HECTD4: variants seen among roughly 807,000 people sequenced by gnomAD.
HECTD4 encodes probable E3 ubiquitin-protein ligase HECTD4.
HECTD4 carries 114 observed loss-of-function variants against 471.5 expected under a neutral mutation model. That is an observed-to-expected ratio of 0.24 (90% CI 0.21 to 0.28). HECTD4 has a LOEUF of 0.28. HECTD4 is among the 10% of genes least tolerant of loss of function. The probability of loss-of-function intolerance (pLI) is 1.00; values close to 1 mark genes in which losing one functional copy is unlikely to be tolerated. For synonymous variants in HECTD4, 2,012 were observed against 2,256.0 expected (o/e 0.89, Z 3.07); for missense variants, 3,866 against 5,651.5 (o/e 0.68, Z 10.13).
chr12:112,256,375 C>T lies in HECTD4; in HGVS notation c.3272G>A (p.Arg1091His), dbSNP rs899948362. The change falls in exon 21 of 76, where the codon CGC becomes CAC. Residue 1091 changes from arginine (R) to histidine (H), a missense_variant. Transcript: ENST00000682272. The stretch of plus-strand genomic sequence containing the variant: ...GCTATCAAATCTAAGGTACAGGCAG[C>T]GAGCTCCTGGGATATGGACCGTTTC... Reference protein sequence around the residue: ...FKETVHIPGARCLYLRFDSRC... With the variant: ...FKETVHIPGAHCLYLRFDSRC... 1.2e-6 allele frequency: 2 copies of T among 1,611,296 alleles called. No homozygotes were observed.
intron 48 of HECTD4, 138 bp from the exon 49 acceptor site, chr12:112,212,788 GTTAT>G (rs150125929): frequency 9.1e-4 from 552 of 609,184 alleles, no homozygotes; most frequent in South Asian, 1.3e-3. Flanking sequence ...TGAAGTTATT[GTTAT>G]TTATTTATTT....
Position 112,209,817 on chromosome 12 carries a change from G to T in HECTD4, c.7867+198C>A, listed in dbSNP as rs189831304. 1.2e-3 allele frequency among the ~76,000 whole-genome samples: 182 copies of T among 152,332 alleles called. 1 individual carries two copies. The highest frequency in any genetic ancestry group is 4.1e-3 in the South Asian group (20 of 4,824). Reference sequence around the variant, plus strand: ...GCATAGCAGGCTTCCTGGAAATGGGGATGAACTTTCTGGTCTGCTGTGCTT... The same window carrying T: ...GCATAGCAGGCTTCCTGGAAATGGGTATGAACTTTCTGGTCTGCTGTGCTT... On this transcript the variant is annotated intron_variant, in intron 50 of 75. Coordinates refer to ENST00000682272, the MANE Select transcript of HECTD4 (RefSeq NM_001388303.1).
Position 112,185,223 on chromosome 12 carries a change from C to A in HECTD4, c.9743G>T (p.Gly3248Val). Residue 3248 changes from glycine (G) to valine (V), a missense_variant, in exon 61 of 76, where the codon GGC (glycine) becomes GTC (valine). Gly to Val is a moderately radical substitution (Grantham distance 109). Around this residue, in one of 16 missense-constraint regions of HECTD4, gnomAD observed 364 missense variants for 413.2 expected, o/e 0.88. Transcript: ENST00000682272. ...GSGGAAAGDQ[G>V]RFSTYFHALM... Reference sequence around the variant, plus strand: ...TGCATGAAAATACGTAGAGAACCTGCCCTGGTCACCGGCCGCCGCCCCCCC... The same window carrying A: ...TGCATGAAAATACGTAGAGAACCTGACCTGGTCACCGGCCGCCGCCCCCCC... The A allele has an allele frequency of 6.4e-7, 1 of 1,551,054 alleles. No homozygotes were observed. The highest frequency in any genetic ancestry group is 8.7e-7 in the Non-Finnish European group (1 of 1,146,872).
intron 37 of HECTD4, 22 bp from the exon 38 acceptor site, chr12:112,233,107 ACACAG>A (rs2033420803): frequency 6.3e-7 from 1 of 1,586,322 alleles, no homozygotes; most frequent in Non-Finnish European, 8.6e-7. Context: ...CAGGCAGAGA[ACACAG>A]CACACCTTAC....
intron 55 of HECTD4, among the ~76,000 whole-genome samples, chr12:112,196,391 C>T (rs911790022): frequency 9.2e-5 from 14 of 152,274 alleles, no homozygotes; most frequent in African/African-American, 2.6e-4. Flanking sequence ...GTGTGGTTCT[C>T]ATGCCAGGAT....
intron 1 of HECTD4, among the ~76,000 whole-genome samples, chr12:112,331,874 T>C (rs2035849207): frequency 6.6e-6 from 1 of 152,186 alleles, no homozygotes; most frequent in Admixed American, 6.5e-5. Context: ...AATAATCCCA[T>C]TTATATTCTG....
At position 112,306,103 on chromosome 12, in the gene HECTD4, C is replaced by T. The variant is rs377631901; in HGVS notation, c.1296G>A (p.Pro432=). 1.7e-4 allele frequency: 280 copies of T among 1,612,098 alleles called. 2 individuals carry two copies. Among genetic ancestry groups the T allele is most frequent in the Admixed American group, 5.2e-4 (31 of 59,384 alleles). ...TGTCCATGAAGACAGAATGTCCCTT[C>T]GGTGTTTTCTCATTCAGGCTGGCAG... ...WSPASLNEKT[P]KGHSVFMDIF... The change falls in exon 7 of 76, where the codon CCG becomes CCA. Residue 432 remains proline, a synonymous_variant. Transcript: ENST00000682272.
intron 7 of HECTD4, among the ~76,000 whole-genome samples, chr12:112,296,665 G>T (rs780295204): frequency 3.1e-4 from 46 of 150,150 alleles, no homozygotes; most frequent in Admixed American, 1.2e-3. Flanking sequence ...TAGGTGCAGA[G>T]GGTGTAGGTG....
intron 55 of HECTD4, among the ~76,000 whole-genome samples, chr12:112,200,316 G>C (rs1362221913): frequency 6.6e-6 from 1 of 152,108 alleles, no homozygotes; most frequent in African/African-American, 2.4e-5. Context: ...ACCAAGATCG[G>C]CTAATTTTTG....
intron 69 of HECTD4, chr12:112,169,968 A>C: frequency 1.8e-6 from 1 of 541,062 alleles, no homozygotes. Context: ...CTCTGCGCAT[A>C]TCCCCCTTCT....
At chr12:112,232,855 C>G in intron 38 of HECTD4, 149 bp downstream of exon 38, 1 of 587,542 alleles carries the variant, frequency 1.7e-6, no homozygotes, top group East Asian at 2.9e-5. Context: ...TTAAAATGGC[C>G]TCAGTTAAGG....
At chr12:112,164,053 CCTGG>C in intron 73 of HECTD4, 52 bp downstream of exon 73, 1 of 1,376,476 alleles carries the variant, frequency 7.3e-7, no homozygotes, top group Non-Finnish European at 9.5e-7. Context: ...GCTGTCATAC[CCTGG>C]CTGGCTGGCC....
At chr12:112,334,637 C>CAAAAAAAA (rs869292531) in intron 1 of HECTD4, among the ~76,000 whole-genome samples, 132 of 45,132 alleles carry the variant, frequency 2.9e-3, no homozygotes, top group Non-Finnish European at 3.4e-3. Flanking sequence ...ACTAAAAATA[C>CAAAAAAAA]AAAAAAAAAA....
Position 112,235,263 on chromosome 12 carries a change from C to T in HECTD4, c.5729G>A (p.Cys1910Tyr). ...AKLADYVVPG[C>Y]QTVLSPTASE... Reference sequence around the variant, plus strand: ...AGCGGTTGGAGAAAGAACTGTCTGACATCCTTTAAGCAAAAAACAAAGCTC... The same window carrying T: ...AGCGGTTGGAGAAAGAACTGTCTGATATCCTTTAAGCAAAAAACAAAGCTC... The change falls in exon 37 of 76, where the codon TGT (cysteine) becomes TAT (tyrosine). Residue 1910 changes from cysteine to tyrosine, a missense_variant. This residue lies in a region of HECTD4 where 617 missense variants were observed against 915.1 expected (regional missense o/e 0.67). Coordinates refer to ENST00000682272, the MANE Select transcript of HECTD4 (RefSeq NM_001388303.1). This position sits in a 1 kb window ranked among gnomAD's most constrained non-coding sequence, Gnocchi z 5.0. 6.2e-7 allele frequency: 1 copy of T among 1,611,216 alleles called. No homozygotes were observed. The highest frequency in any genetic ancestry group is 8.5e-7 in the Non-Finnish European group (1 of 1,178,778).
chr12:112,273,557 A>G, intron 11 of HECTD4, 98 bp downstream of exon 11: 1 of 1,118,452 alleles, frequency 8.9e-7, no homozygotes, highest in South Asian at 1.5e-5. Flanking sequence ...CTGGTGACAC[A>G]TTCTGGGGTT....
At chr12:112,236,092 T>A (rs1374732068) in intron 35 of HECTD4, among the ~76,000 whole-genome samples, 1 of 152,242 alleles carries the variant, frequency 6.6e-6, no homozygotes, top group Non-Finnish European at 1.5e-5. Flanking sequence ...TTTCAGTTTG[T>A]CATTTATTCT....
In HECTD4 at chr12:112,213,602, C is replaced by T. The variant is rs556179051; in HGVS notation, c.7466-952G>A. On this transcript the variant is annotated intron_variant, in intron 48 of 75. Transcript: ENST00000682272. The surrounding 1 kb of genome is among the most constrained non-coding windows in gnomAD (Gnocchi z 4.0). ...TTGGGAGGCTGAGGCAGAAGAATGG[C>T]GTGAACCCGGGAGGCGGAGGTTGCA... is the stretch of plus-strand genomic sequence containing the variant. 2.7e-3 allele frequency among the ~76,000 whole-genome samples: 410 copies of T among 151,770 alleles called. 2 individuals carry two copies. The highest frequency in any genetic ancestry group is 9.5e-3 in the African/African-American group (394 of 41,420).
intron 1 of HECTD4, among the ~76,000 whole-genome samples, chr12:112,331,125 G>T (rs111381286): frequency 1.8e-3 from 270 of 152,214 alleles, no homozygotes; most frequent in African/African-American, 6.1e-3. Flanking sequence ...AGGCTGGAGT[G>T]CACTGGCATG....
At chr12:112,282,978 A>G in intron 8 of HECTD4, 132 bp downstream of exon 8, 1 of 598,282 alleles carries the variant, frequency 1.7e-6, no homozygotes, top group Non-Finnish European at 2.7e-6. Context: ...AAGCTGGACA[A>G]TGACTGGAAG....
Sources: allele counts gnomAD v4.1 joint callset (sites outside exome capture counted in the v4.1 genomes callset), GRCh38; gene constraint gnomAD v4.1.1; regional missense constraint gnomAD v4.1.1; non-coding constraint Gnocchi (gnomAD v3.1); transcripts MANE v1.5; gene names NCBI Gene and HGNC (gene_info 2026-07-23, HGNC 2026-07-21).